CDH13: variants seen among roughly 807,000 people sequenced by gnomAD.
The protein encoded by CDH13 is cadherin 13.
In CDH13, 24 loss-of-function variants were observed where a neutral mutation model predicts 63.8. The ratio of observed to expected loss-of-function variants is 0.38; its 90% CI spans 0.27 to 0.53. The LOEUF (loss-of-function observed/expected upper bound fraction) is 0.53. Among genes scored for constraint, CDH13 ranks in the 20% least tolerant of loss-of-function variants. CDH13 has a pLI of 0.85. For synonymous variants in CDH13, 503 were observed against 355.3 expected (o/e 1.42, Z -4.67); for missense variants, 1,049 against 903.1 (o/e 1.16, Z -2.07).
intron 3 of CDH13, among the ~76,000 whole-genome samples, chr16:83,090,546 A>G (rs964489734): frequency 2.1e-5 from 3 of 145,808 alleles, no homozygotes; most frequent in African/African-American, 5.1e-5. Context: ...TGCACTCCAG[A>G]CTGGGCGACA....
chr16:83,619,518 G>A (rs1367580986), intron 8 of CDH13, among the ~76,000 whole-genome samples: 10 of 152,220 alleles, frequency 6.6e-5, no homozygotes, highest in Non-Finnish European at 1.0e-4. Context: ...CAAGGCACTG[G>A]CAGGGTTGGT....
intron 2 of CDH13, chr16:82,926,101 T>C (rs2042296630): frequency 6.6e-6 from 1 of 152,194 alleles, no homozygotes; most frequent in African/African-American, 2.4e-5. Context: ...CATAAATGGA[T>C]ACATTCCACT....
At chr16:82,793,030 G>A (rs1028799126) in intron 1 of CDH13, among the ~76,000 whole-genome samples, 1 of 152,208 alleles carries the variant, frequency 6.6e-6, no homozygotes, top group Non-Finnish European at 1.5e-5. Flanking sequence ...TTGACTTTGG[G>A]CAGCAGTCTG....
intron 2 of CDH13, among the ~76,000 whole-genome samples, chr16:82,899,131 C>T (rs1161701881): frequency 6.6e-6 from 1 of 152,202 alleles, no homozygotes; most frequent in Non-Finnish European, 1.5e-5. Flanking sequence ...CACAGTGTGC[C>T]TTCCTTTACT....
chr16:82,810,128 C>T (rs758275351), intron 1 of CDH13, among the ~76,000 whole-genome samples: 18 of 152,194 alleles, frequency 1.2e-4, no homozygotes, highest in Admixed American at 9.2e-4. Context: ...ACCTTTTCTG[C>T]TTCAAGGTAA....
At chr16:83,608,600 C>T (rs1033551558) in intron 8 of CDH13, among the ~76,000 whole-genome samples, 1 of 152,064 alleles carries the variant, frequency 6.6e-6, no homozygotes, top group Admixed American at 6.5e-5. Flanking sequence ...GTCCTCCTGC[C>T]TCAGCCTCCT....
At chr16:83,566,610 G>T (rs1598300136) in intron 7 of CDH13, among the ~76,000 whole-genome samples, 1 of 152,110 alleles carries the variant, frequency 6.6e-6, no homozygotes, top group African/African-American at 2.4e-5. Context: ...GCAGGCATGG[G>T]TTTACCCTCC....
At chr16:82,898,982 T>A (rs1166551284) in intron 2 of CDH13, among the ~76,000 whole-genome samples, 1 of 152,246 alleles carries the variant, frequency 6.6e-6, no homozygotes, top group Non-Finnish European at 1.5e-5. Context: ...TCTCTGCAGC[T>A]GAGGTAATTC....
intron 1 of CDH13, among the ~76,000 whole-genome samples, chr16:82,679,945 A>G (rs1281201599): frequency 6.6e-6 from 1 of 152,208 alleles, no homozygotes; most frequent in African/African-American, 2.4e-5. Context: ...AACCTTCAGT[A>G]TATCGTGATC....
At chr16:82,763,037 C>T (rs2034912150) in intron 1 of CDH13, among the ~76,000 whole-genome samples, 2 of 152,140 alleles carry the variant, frequency 1.3e-5, no homozygotes, top group Admixed American at 6.5e-5. Context: ...AGTACCTTGA[C>T]ATTTATAGAT....
intron 1 of CDH13, among the ~76,000 whole-genome samples, chr16:82,680,009 C>A (rs181041393): frequency 6.6e-6 from 1 of 152,246 alleles, no homozygotes; most frequent in Admixed American, 6.5e-5. Flanking sequence ...ACACACGGGT[C>A]TTCTTTGGAA....
chr16:82,719,404 C>A (rs1337226944), intron 1 of CDH13: 1 of 456,002 alleles, frequency 2.2e-6, no homozygotes, highest in African/African-American at 2.0e-5. Flanking sequence ...GGCCCTTCCA[C>A]TGGCTGTCCA....
chr16:83,415,836 T>C (rs2092192809), intron 6 of CDH13, among the ~76,000 whole-genome samples: 1 of 152,018 alleles, frequency 6.6e-6, no homozygotes, highest in Non-Finnish European at 1.5e-5. Context: ...CCTTCTAAGA[T>C]CAGAAACAAG....
At chr16:83,533,618 C>CTTTTTTTTTTTTTTTTTTTTTTTTTTTT (rs11365656) in intron 7 of CDH13, among the ~76,000 whole-genome samples, 1 of 116,104 alleles carries the variant, frequency 8.6e-6, no homozygotes, top group Non-Finnish European at 1.7e-5. Flanking sequence ...TTTACATTAT[C>CTTTTTTTTTTTTTTTTTTTTTTTTTTTT]TTTTTTTTTT....
chr16:82,853,698 A>T lies in CDH13; in HGVS notation c.46-4664A>T, dbSNP rs182395737. On this transcript the variant is annotated intron_variant, in intron 1 of 13. Coordinates refer to ENST00000567109, the MANE Select transcript of CDH13 (RefSeq NM_001257.5). ...TTTAGATAATAGAAATCTTTTGTTA[A>T]TCATAGAATTTGATTATTGCTGTGC... Among the ~76,000 whole-genome samples the T allele has an allele frequency of 1.4e-3, 220 of 152,342 alleles. 1 individual carries two copies. Among genetic ancestry groups the T allele is most frequent in the African/African-American group, 5.0e-3 (207 of 41,580 alleles).
chr16:82,796,788 G>A (rs534361418), intron 1 of CDH13, among the ~76,000 whole-genome samples: 1 of 152,348 alleles, frequency 6.6e-6, no homozygotes, highest in South Asian at 2.1e-4. Flanking sequence ...GATCCCAGAG[G>A]AAGGCTTTAA....
intron 5 of CDH13, among the ~76,000 whole-genome samples, chr16:83,275,471 G>T (rs1335904513): frequency 6.6e-6 from 1 of 152,158 alleles, no homozygotes; most frequent in Admixed American, 6.5e-5. Flanking sequence ...TGACATTAGT[G>T]CTCATGCAGG....
At chr16:83,546,815 A>G (rs1403702320) in intron 7 of CDH13, among the ~76,000 whole-genome samples, 1 of 152,222 alleles carries the variant, frequency 6.6e-6, no homozygotes, top group Non-Finnish European at 1.5e-5. Context: ...GCCACTAGAC[A>G]GAGGGCACTG....
chr16:83,525,689 A>G (rs1003846820), intron 7 of CDH13, among the ~76,000 whole-genome samples: 2 of 152,104 alleles, frequency 1.3e-5, no homozygotes, highest in African/African-American at 4.8e-5. Flanking sequence ...CCTGAGGGAC[A>G]TTGCAGATGT....
Sources: allele counts gnomAD v4.1 joint callset (sites outside exome capture counted in the v4.1 genomes callset), GRCh38; gene constraint gnomAD v4.1.1; transcripts MANE v1.5; gene names NCBI Gene and HGNC (gene_info 2026-07-23, HGNC 2026-07-21).